GRB10: variants seen among roughly 807,000 people sequenced by gnomAD.
GRB10 encodes the protein growth factor receptor-bound protein 10.
Under a neutral mutation model 80.9 loss-of-function variants are expected in GRB10, and 20 were observed. The observed-to-expected ratio is 0.25, with a 90% CI of 0.17 to 0.36. GRB10 has a LOEUF of 0.36. Ranked by LOEUF, GRB10 falls within the 10% of genes least tolerant of loss-of-function variation. GRB10 has a pLI of 1.00. For missense variants in GRB10, 548 were observed against 747.7 expected, an observed-to-expected ratio of 0.73 and a Z score of 3.12; for synonymous variants, 291 against 291.5, an observed-to-expected ratio of 1.00 and a Z score of 0.02.
At chr7:50,714,916 C>T (rs1157913621) in intron 4 of GRB10, among the ~76,000 whole-genome samples, 2 of 152,108 alleles carry the variant, frequency 1.3e-5, no homozygotes, top group Non-Finnish European at 2.9e-5. Context: ...ATGACACACC[C>T]ACATTCTTCC....
intron 3 of GRB10, among the ~76,000 whole-genome samples, chr7:50,741,921 T>C (rs2071832041): frequency 6.6e-6 from 1 of 151,758 alleles, no homozygotes. Flanking sequence ...TTTTAAACAA[T>C]GAAATACAAT....
chr7:50,604,993 T>A lies in GRB10; in HGVS notation c.1389+297A>T, dbSNP rs1024229550. 5 of 416,018 alleles carry A rather than the reference T, an allele frequency of 1.2e-5. No homozygotes were observed. In the East Asian group the frequency reaches 1.9e-4, roughly 16 times the overall value. The allele number at this position is 416,018 out of a possible 1,614,324, so 25.8% of individuals were successfully genotyped here. A position where few individuals can be genotyped will look rare whatever the true frequency, so the allele number is the denominator to read the frequency against. On this transcript the variant is annotated intron_variant, in intron 15 of 18. Transcript: ENST00000401949. ...CTCTGTGCACTCCACAGACAGCCAC[T>A]GCCAGTTCATCAGCAGAACAGTTCT... is the stretch of plus-strand genomic sequence containing the variant.
chr7:50,660,821 G>A (rs940495599), intron 7 of GRB10, among the ~76,000 whole-genome samples: 4 of 125,660 alleles, frequency 3.2e-5, no homozygotes, highest in Non-Finnish European at 7.5e-5. Flanking sequence ...CTGTGATGGC[G>A]CAGCATCTTA....
At chr7:50,776,172 ACAACCTGGG>A (rs1365600133) in intron 2 of GRB10, among the ~76,000 whole-genome samples, 3 of 152,296 alleles carry the variant, frequency 2.0e-5, no homozygotes, top group Admixed American at 6.5e-5. Flanking sequence ...ACATGTTTTT[ACAACCTGGG>A]CAAGCTAAAA....
chr7:50,617,771 T>G (rs2050922698), intron 10 of GRB10: 1 of 474,380 alleles, frequency 2.1e-6, no homozygotes, highest in African/African-American at 2.0e-5. Flanking sequence ...GGTTTCTCCA[T>G]GCACCCCCTG....
intron 7 of GRB10, among the ~76,000 whole-genome samples, chr7:50,627,917 AG>A (rs2053248643): frequency 6.6e-6 from 1 of 152,200 alleles, no homozygotes; most frequent in African/African-American, 2.4e-5. Flanking sequence ...TCCGGGCAGC[AG>A]GGAGGCCACC....
chr7:50,662,289 T>C (rs963977524), intron 7 of GRB10, among the ~76,000 whole-genome samples: 5 of 152,160 alleles, frequency 3.3e-5, no homozygotes, highest in Admixed American at 2.0e-4. Context: ...CCGATGGTCA[T>C]GACCCAGGAT....
intron 17 of GRB10, 71 bp from the exon 18 acceptor site, chr7:50,595,601 T>TGACACACA: frequency 1.0e-4 from 56 of 556,282 alleles, no homozygotes; most frequent in Middle Eastern, 3.5e-4. Flanking sequence ...ACACACTCTC[T>TGACACACA]TACACACACA....
intron 3 of GRB10, among the ~76,000 whole-genome samples, chr7:50,749,134 G>GTGTTT (rs1940865977): frequency 1.5e-5 from 2 of 137,906 alleles, no homozygotes; most frequent in African/African-American, 5.3e-5. Context: ...TTTTTTGTTT[G>GTGTTT]TTTTTTTTTT....
chr7:50,644,378 G>C (rs1261157404), intron 7 of GRB10, among the ~76,000 whole-genome samples: 2 of 151,730 alleles, frequency 1.3e-5, no homozygotes, highest in East Asian at 3.9e-4. Flanking sequence ...CCGAGCTCAG[G>C]GACACAGATA....
intron 1 of GRB10, among the ~76,000 whole-genome samples, chr7:50,791,469 G>C (rs116467009): frequency 9.5e-4 from 144 of 152,290 alleles, no homozygotes; most frequent in African/African-American, 3.4e-3. Flanking sequence ...CCAAAGCTTA[G>C]GTTCTAGTGA....
intron 4 of GRB10, among the ~76,000 whole-genome samples, chr7:50,707,549 A>G (rs1035054345): frequency 3.9e-5 from 6 of 152,378 alleles, no homozygotes; most frequent in Middle Eastern, 6.8e-3. Context: ...TCTTCCAAGC[A>G]AACATCAAAA....
At chr7:50,775,000 C>A (rs12718889) in intron 2 of GRB10, among the ~76,000 whole-genome samples, 77,801 of 142,206 alleles carry the variant, frequency 0.55, 23,890 homozygotes, top group Middle Eastern at 0.74. Flanking sequence ...CAAAACAAAA[C>A]AAAAAAAAAA....
intron 4 of GRB10, 150 bp from the exon 5 acceptor site, chr7:50,704,058 T>C: frequency 1.6e-6 from 1 of 643,716 alleles, no homozygotes; most frequent in Non-Finnish European, 2.9e-6. Flanking sequence ...ATGATAGTTG[T>C]TGAAAACAGA....
intron 3 of GRB10, among the ~76,000 whole-genome samples, chr7:50,755,006 C>T (rs1185304912): frequency 6.6e-6 from 1 of 152,216 alleles, no homozygotes; most frequent in African/African-American, 2.4e-5. Flanking sequence ...CATGTGCAAG[C>T]CCAGGAGAGA....
intron 15 of GRB10, 163 bp downstream of exon 15, chr7:50,605,127 G>A (rs2048301867): frequency 1.5e-6 from 1 of 645,832 alleles, no homozygotes; most frequent in Admixed American, 2.5e-5. Context: ...AACATGGAAG[G>A]GGCCTAGAAG....
At chr7:50,617,936 C>A (rs1311915453) in intron 10 of GRB10, 135 bp downstream of exon 10, 7 of 805,696 alleles carry the variant, frequency 8.7e-6, no homozygotes, top group Non-Finnish European at 1.5e-5. Flanking sequence ...CCAACCACCC[C>A]TCCGGCTTAA....
intron 11 of GRB10, among the ~76,000 whole-genome samples, chr7:50,615,576 C>T (rs764048507): frequency 5.9e-5 from 9 of 152,228 alleles, no homozygotes; most frequent in Admixed American, 2.6e-4. Context: ...AGCTCCCTTT[C>T]ACCTCTGCTG....
intron 3 of GRB10, among the ~76,000 whole-genome samples, chr7:50,744,762 G>T (rs2072575419): frequency 6.6e-6 from 1 of 152,132 alleles, no homozygotes; most frequent in Non-Finnish European, 1.5e-5. Context: ...AGCATCACAT[G>T]GCATTTAAAG....
Sources: gnomAD v4.1 joint callset for allele counts (sites outside exome capture counted in the v4.1 genomes callset) on GRCh38, gnomAD v4.1.1 for gene constraint, MANE v1.5 for transcripts, NCBI Gene and HGNC (gene_info 2026-07-23, HGNC 2026-07-21) for gene names.